The following SFRP1 variants were observed in gnomAD, a reference collection of about 807,000 sequenced individuals.
The protein encoded by SFRP1 is secreted frizzled-related protein 1.
Under a neutral mutation model 25.9 loss-of-function variants are expected in SFRP1, and 9 were observed. The observed-to-expected ratio is 0.35, with a 90% CI of 0.21 to 0.61. The LOEUF (loss-of-function observed/expected upper bound fraction) is 0.61, where lower values mean the gene tolerates loss of function less well. Among genes scored for constraint, SFRP1 ranks in the 20% least tolerant of loss-of-function variants. SFRP1 has a pLI of 0.78. For missense variants in SFRP1, 346 were observed against 418.2 expected (o/e 0.83, Z 1.51); for synonymous variants, 178 against 174.0 (o/e 1.02, Z -0.18).
At position 41,309,467 on chromosome 8, in the gene SFRP1, A is replaced by C. The variant is rs1286773990; in HGVS notation, c.-308T>G. ...CTGACTCCGGAGGCTGCAGGGCTGG[A>C]GTGCGCGGGGCTCCTACGGCCGAGC... is the stretch of plus-strand genomic sequence containing the variant. On this transcript the variant is annotated 5_prime_UTR_variant, in exon 1 of 3. Transcript: ENST00000220772. 3.3e-5 allele frequency: 5 copies of C among 153,190 alleles called. No individual in the cohort carries two copies. Among genetic ancestry groups the C allele is most frequent in the African/African-American group, 1.2e-4 (5 of 41,190 alleles). 9.5% of individuals were successfully genotyped at this position (153,190 alleles called of 1,614,324 possible).
At chr8:41,296,735 G>A (rs1304340221) in intron 2 of SFRP1, among the ~76,000 whole-genome samples, 1 of 152,090 alleles carries the variant, frequency 6.6e-6, no homozygotes, top group Non-Finnish European at 1.5e-5. Flanking sequence ...AGCACAAAGG[G>A]GCTCTGAAGT....
chr8:41,266,506 G>C (rs1803437396), intron 2 of SFRP1, among the ~76,000 whole-genome samples: 1 of 151,938 alleles, frequency 6.6e-6, no homozygotes, highest in African/African-American at 2.4e-5. Context: ...CTCGATCTCG[G>C]CTCACTGCAG....
intron 2 of SFRP1, among the ~76,000 whole-genome samples, chr8:41,275,844 G>T (rs939633849): frequency 1.3e-5 from 2 of 152,152 alleles, no homozygotes; most frequent in Non-Finnish European, 2.9e-5. Flanking sequence ...TCTTCTGGGC[G>T]CAAGTGATCC....
chr8:41,283,330 G>A (rs1218303215), intron 2 of SFRP1, among the ~76,000 whole-genome samples: 1 of 152,112 alleles, frequency 6.6e-6, no homozygotes, highest in East Asian at 1.9e-4. Context: ...TTTAGGCCTT[G>A]TCCTGCGAAT....
intron 2 of SFRP1, among the ~76,000 whole-genome samples, chr8:41,270,287 A>T (rs897150836): frequency 6.6e-6 from 1 of 152,250 alleles, no homozygotes; most frequent in African/African-American, 2.4e-5. Flanking sequence ...TCAGTTTAAA[A>T]TTAGAGTCAA....
At chr8:41,292,732 G>C (rs920618933) in intron 2 of SFRP1, among the ~76,000 whole-genome samples, 1 of 152,134 alleles carries the variant, frequency 6.6e-6, no homozygotes, top group Admixed American at 6.5e-5. Context: ...GACTAAGCAG[G>C]GCTCAGTAGA....
intron 2 of SFRP1, among the ~76,000 whole-genome samples, chr8:41,290,873 T>A (rs1803767764): frequency 1.6e-5 from 2 of 126,420 alleles, no homozygotes; most frequent in East Asian, 3.0e-4. Context: ...CTTCTTCTCC[T>A]CCTCTTCCTC....
Position 41,298,794 on chromosome 8 carries a change from T to C in SFRP1, c.622+4667A>G, listed in dbSNP as rs141474088. On this transcript the variant is annotated intron_variant, in intron 2 of 2. Coordinates refer to ENST00000220772, the MANE Select transcript of SFRP1 (RefSeq NM_003012.5). ...ATACCCCATAAATATGTGCAACTAT[T>C]TTGTATCCATTAAAAAAATTTTAAG... Among the ~76,000 whole-genome samples, 18 of 152,318 alleles carry C rather than the reference T, an allele frequency of 1.2e-4. No individual in the cohort carries two copies. In the East Asian group the frequency reaches 3.5e-3, roughly 29 times the overall value.
chr8:41,284,678 G>A (rs549009984), intron 2 of SFRP1, among the ~76,000 whole-genome samples: 2 of 152,302 alleles, frequency 1.3e-5, no homozygotes, highest in Admixed American at 1.3e-4. Context: ...ACACCTGCTC[G>A]CTCTACAGAG....
intron 1 of SFRP1, 89 bp downstream of exon 1, chr8:41,308,523 CGGCG>C: frequency 9.6e-7 from 1 of 1,044,070 alleles, no homozygotes; most frequent in Non-Finnish European, 1.4e-6. Context: ...CGGGACCCAG[CGGCG>C]GGCGGGCGTA....
intron 2 of SFRP1, among the ~76,000 whole-genome samples, chr8:41,282,318 C>T (rs1803643568): frequency 6.6e-6 from 1 of 152,222 alleles, no homozygotes; most frequent in Non-Finnish European, 1.5e-5. Context: ...GAGTTTGAGA[C>T]CAGCCTGGGC....
intron 1 of SFRP1, among the ~76,000 whole-genome samples, chr8:41,305,400 T>A (rs561728402): frequency 1.3e-5 from 2 of 152,334 alleles, no homozygotes; most frequent in African/African-American, 4.8e-5. Context: ...ACATTTGGAC[T>A]TCAGTGCCTC....
chr8:41,277,112 GCC>G, intron 2 of SFRP1: 1 of 444,504 alleles, frequency 2.2e-6, no homozygotes, highest in Non-Finnish European at 4.5e-6. Context: ...CATCTGGGAA[GCC>G]ACGCATCTTG....
At chr8:41,274,348 A>T (rs1486070787) in intron 2 of SFRP1, among the ~76,000 whole-genome samples, 1 of 152,242 alleles carries the variant, frequency 6.6e-6, no homozygotes, top group Non-Finnish European at 1.5e-5. Flanking sequence ...TCATAATATG[A>T]ACATAAGTAA....
In SFRP1 at chr8:41,262,040, G is replaced by A. The variant is rs1197808547; in HGVS notation, c.*3127C>T. ...CATGAAAATAAAATGAACACGTACG[G>A]GAATTACTATTAACATAAGCGATAA... On this transcript the variant is annotated 3_prime_UTR_variant, in exon 3 of 3. Coordinates refer to ENST00000220772, the MANE Select transcript of SFRP1 (RefSeq NM_003012.5). 1 of 152,276 alleles carries A rather than the reference G, an allele frequency of 6.6e-6. No homozygotes were observed. Among genetic ancestry groups the A allele is most frequent in the Non-Finnish European group, 1.5e-5 (1 of 68,034 alleles). 9.4% of individuals were successfully genotyped at this position (152,276 alleles called of 1,614,324 possible).
chr8:41,293,857 C>T (rs139791251), intron 2 of SFRP1, among the ~76,000 whole-genome samples: 12 of 152,132 alleles, frequency 7.9e-5, no homozygotes, highest in African/African-American at 1.2e-4. Context: ...ACTGCAGCCT[C>T]GACCTCGCGG....
Position 41,296,428 on chromosome 8 carries a change from C to T in SFRP1, c.622+7033G>A, listed in dbSNP as rs371626059. 6.6e-5 allele frequency among the ~76,000 whole-genome samples: 10 copies of T among 151,174 alleles called. No individual in the cohort carries two copies. The East Asian group carries it at 9.7e-4, about 15-fold the overall frequency. ...TAGGCCTTTGAGAAGCCTTCCAAAG[C>T]GAAGGCATGTTTAATTGGCTGCCCT... On this transcript the variant is annotated intron_variant, in intron 2 of 2. Transcript: ENST00000220772.
In SFRP1 at chr8:41,308,600, G is replaced by A. The variant is rs1342771495; in HGVS notation, c.544+16C>T. The A allele has an allele frequency of 3.2e-6, 5 of 1,563,008 alleles. No individual in the cohort carries two copies. Among genetic ancestry groups the A allele is most frequent in the African/African-American group, 2.7e-5 (2 of 73,850 alleles). On this transcript the variant is annotated intron_variant, in intron 1 of 2. Coordinates refer to ENST00000220772, the MANE Select transcript of SFRP1 (RefSeq NM_003012.5). ...TGGAGGGGGCGGCTCGCGCACGTGGGAGGAGGCAGCCTTACCTTGGGGCTT... is the reference window on the plus strand; with the variant it reads ...TGGAGGGGGCGGCTCGCGCACGTGGAAGGAGGCAGCCTTACCTTGGGGCTT...
chr8:41,265,122 T>TCC lies in SFRP1; in HGVS notation c.*43_*44dup. The TCC allele has an allele frequency of 2.3e-4, 43 of 191,086 alleles. No individual in the cohort carries two copies. Among genetic ancestry groups the TCC allele is most frequent in the South Asian group, 1.6e-3 (16 of 10,316 alleles). The allele number at this position is 191,086 out of a possible 1,614,324, so 11.8% of individuals were successfully genotyped here. ...GTTCCCGGGGCACTGTCCCCCCCGC[T>TCC]CCCACCCCACCCGAGGCTCCCTCCC... On this transcript the variant is annotated 3_prime_UTR_variant, in exon 3 of 3. Transcript: ENST00000220772.
Sources: gnomAD v4.1 joint callset for allele counts (sites outside exome capture counted in the v4.1 genomes callset) on GRCh38, gnomAD v4.1.1 for gene constraint, MANE v1.5 for transcripts, NCBI Gene and HGNC (gene_info 2026-07-23, HGNC 2026-07-21) for gene names.